Variants in TTC28 observed in about 807,000 individuals in gnomAD.
TTC28 encodes the protein tetratricopeptide repeat domain 28, also known as tetratricopeptide repeat protein 28.
TTC28 carries 61 observed loss-of-function variants against 198.0 expected under a neutral mutation model. That is an observed-to-expected ratio of 0.31 (90% CI 0.25 to 0.38). TTC28 has a LOEUF of 0.38. Among genes scored for constraint, TTC28 ranks in the 10% least tolerant of loss-of-function variants. The pLI is 1.00. For missense variants in TTC28, 2,678 were observed against 3,164.0 expected (o/e 0.85, Z 3.69); for synonymous variants, 1,171 against 1,297.8 (o/e 0.90, Z 2.10).
At chr22:28,035,770 CT>C (rs1322770762) in intron 12 of TTC28, among the ~76,000 whole-genome samples, 1 of 152,118 alleles carries the variant, frequency 6.6e-6, no homozygotes, top group Non-Finnish European at 1.5e-5. Context: ...TTTTTTCTTA[CT>C]GACAATTAGT....
At chr22:28,458,465 T>G (rs2047897552) in intron 2 of TTC28, among the ~76,000 whole-genome samples, 2 of 152,140 alleles carry the variant, frequency 1.3e-5, no homozygotes, top group Admixed American at 1.3e-4. Context: ...CTAGATAATC[T>G]CTCCTGAATT....
intron 2 of TTC28, among the ~76,000 whole-genome samples, chr22:28,385,977 T>C (rs1569296296): frequency 6.6e-6 from 1 of 152,146 alleles, no homozygotes; most frequent in Admixed American, 6.5e-5. Context: ...TCCCATTTTC[T>C]ATAAGAAGGC....
chr22:28,647,990 C>T (rs943620081), intron 1 of TTC28, among the ~76,000 whole-genome samples: 1 of 151,610 alleles, frequency 6.6e-6, no homozygotes, highest in Non-Finnish European at 1.5e-5. Context: ...TTTGGGAGGC[C>T]GAGGCGGGCG....
At chr22:28,336,689 G>C (rs113753104) in intron 2 of TTC28, among the ~76,000 whole-genome samples, 79 of 151,500 alleles carry the variant, frequency 5.2e-4, no homozygotes, top group African/African-American at 1.1e-3. Flanking sequence ...GGTGATATCC[G>C]CTTTATCATT....
chr22:28,035,107 G>A (rs1344724780), intron 12 of TTC28, among the ~76,000 whole-genome samples: 1 of 152,154 alleles, frequency 6.6e-6, no homozygotes, highest in East Asian at 1.9e-4. Context: ...TCCCCTGACA[G>A]TTGCAACTGA....
intron 21 of TTC28, among the ~76,000 whole-genome samples, chr22:27,987,113 G>GC (rs1937239910): frequency 6.6e-6 from 1 of 152,102 alleles, no homozygotes; most frequent in Non-Finnish European, 1.5e-5. Context: ...CAGATGACAG[G>GC]CCTACCGGAC....
intron 2 of TTC28, among the ~76,000 whole-genome samples, chr22:28,349,264 T>C (rs2045954783): frequency 6.6e-6 from 1 of 152,186 alleles, no homozygotes; most frequent in Non-Finnish European, 1.5e-5. Context: ...CCTGCTAAAT[T>C]GAAATGATTC....
rs566323265 is a variant in TTC28 at position 28,616,679 on chromosome 22, C to T, written c.381+12873G>A. ...CCAGCTTGGGCAACACAGTGAAACC[C>T]CGTCTCTACAAAAATACAAAAATTA... On this transcript the variant is annotated intron_variant, in intron 2 of 22. Coordinates refer to ENST00000397906, the MANE Select transcript of TTC28 (RefSeq NM_001145418.2). Among the ~76,000 whole-genome samples the T allele has an allele frequency of 2.6e-5, 4 of 152,076 alleles. No individual in the cohort carries two copies. The East Asian group carries it at 7.7e-4, about 29-fold the overall frequency.
In TTC28 at chr22:28,395,939, A is replaced by G. The variant is rs1019210858; in HGVS notation, c.382-89296T>C. On this transcript the variant is annotated intron_variant, in intron 2 of 22. Transcript: ENST00000397906. ...CCCTAAGAATGTGAAAAATATTCAC[A>G]ACTATGACTAATGCAGACAAATAAT... 2.0e-5 allele frequency among the ~76,000 whole-genome samples: 3 copies of G among 152,228 alleles called. No individual in the cohort carries two copies. In the East Asian group the frequency reaches 5.8e-4, roughly 29 times the overall value.
chr22:28,074,501 C>A (rs1941102394), intron 12 of TTC28, among the ~76,000 whole-genome samples: 1 of 152,172 alleles, frequency 6.6e-6, no homozygotes, highest in Non-Finnish European at 1.5e-5. Flanking sequence ...GCATTTGGGA[C>A]AAGAGATAAA....
intron 2 of TTC28, among the ~76,000 whole-genome samples, chr22:28,347,856 G>C (rs947154271): frequency 6.6e-6 from 1 of 152,242 alleles, no homozygotes; most frequent in African/African-American, 2.4e-5. Flanking sequence ...TTCAGGGTGA[G>C]AGAGTGAGAC....
chr22:28,592,799 T>C (rs9625508), intron 2 of TTC28, among the ~76,000 whole-genome samples: 10,536 of 152,250 alleles, frequency 0.069, 531 homozygotes, highest in Non-Finnish European at 0.096. Context: ...CAATTACCCT[T>C]TATCAAAAAC....
intron 2 of TTC28, among the ~76,000 whole-genome samples, chr22:28,442,635 G>A (rs2146232132): frequency 6.6e-6 from 1 of 152,348 alleles, no homozygotes; most frequent in Admixed American, 6.5e-5. Flanking sequence ...AAAGCAAACG[G>A]GTGCTTCCGA....
intron 2 of TTC28, among the ~76,000 whole-genome samples, chr22:28,384,907 G>A (rs1427998726): frequency 4.6e-5 from 7 of 151,988 alleles, no homozygotes; most frequent in South Asian, 2.1e-4. Context: ...TTGGGAGGCC[G>A]GGGACGGGGG....
chr22:28,447,960 T>C (rs2047726811), intron 2 of TTC28, among the ~76,000 whole-genome samples: 1 of 152,202 alleles, frequency 6.6e-6, no homozygotes, highest in South Asian at 2.1e-4. Flanking sequence ...AATCACCTTA[T>C]TGTTTCTTCT....
At chr22:28,282,922 C>T (rs1057077993) in intron 5 of TTC28, among the ~76,000 whole-genome samples, 2 of 152,060 alleles carry the variant, frequency 1.3e-5, no homozygotes, top group Admixed American at 6.6e-5. Context: ...TACATATATT[C>T]CCTGGGTGTA....
chr22:28,443,262 G>A (rs943683157), intron 2 of TTC28, among the ~76,000 whole-genome samples: 17 of 152,178 alleles, frequency 1.1e-4, no homozygotes, highest in African/African-American at 4.1e-4. Flanking sequence ...GACTGAGAAC[G>A]CGGGCTGCTA....
intron 12 of TTC28, among the ~76,000 whole-genome samples, chr22:28,045,028 C>T (rs1052964935): frequency 2.6e-5 from 4 of 152,138 alleles, no homozygotes; most frequent in Non-Finnish European, 5.9e-5. Flanking sequence ...GGCCCCATTA[C>T]TTGTTGTCTT....
chr22:28,308,993 A>ATC (rs2045201483), intron 2 of TTC28, among the ~76,000 whole-genome samples: 1 of 152,216 alleles, frequency 6.6e-6, no homozygotes, highest in Non-Finnish European at 1.5e-5. Flanking sequence ...CATTGCATGT[A>ATC]CAAATGGCTG....
Sources: gnomAD v4.1 joint callset for allele counts (sites outside exome capture counted in the v4.1 genomes callset) on GRCh38, gnomAD v4.1.1 for gene constraint, MANE v1.5 for transcripts, NCBI Gene and HGNC (gene_info 2026-07-23, HGNC 2026-07-21) for gene names.